Variants in NTM observed in about 807,000 individuals in gnomAD.
NTM encodes the protein IgLON family member 2.
A neutral mutation model predicts 42.1 loss-of-function variants in NTM; 13 were observed. The ratio of observed to expected loss-of-function variants is 0.31; its 90% CI spans 0.20 to 0.49. The LOEUF is 0.49. Ranked by LOEUF, NTM falls within the 20% of genes least tolerant of loss-of-function variation. The pLI is 0.99. For synonymous variants in NTM, 187 were observed against 179.2 expected (o/e 1.04, Z -0.35); for missense variants, 373 against 452.8 (o/e 0.82, Z 1.60).
intron 1 of NTM, among the ~76,000 whole-genome samples, chr11:131,510,106 T>A (rs2048037364): frequency 6.6e-6 from 1 of 152,158 alleles, no homozygotes; most frequent in African/African-American, 2.4e-5. Flanking sequence ...GGAGGCCGCA[T>A]AGCCATCATC....
intron 2 of NTM, among the ~76,000 whole-genome samples, chr11:131,958,167 A>C (rs1201504155): frequency 6.6e-6 from 1 of 152,196 alleles, no homozygotes; most frequent in Non-Finnish European, 1.5e-5. Flanking sequence ...AGCAAATTTT[A>C]TGAGGTGAGC....
chr11:131,549,610 C>A (rs2054385766), intron 1 of NTM, among the ~76,000 whole-genome samples: 1 of 152,174 alleles, frequency 6.6e-6, no homozygotes, highest in Non-Finnish European at 1.5e-5. Context: ...AGGAAGGGAA[C>A]TAGCCCGCCC....
At chr11:131,820,210 C>G (rs952613630) in intron 1 of NTM, among the ~76,000 whole-genome samples, 1 of 152,162 alleles carries the variant, frequency 6.6e-6, no homozygotes, top group Non-Finnish European at 1.5e-5. Flanking sequence ...GCCACTGGAT[C>G]CCCACTCTCC....
At chr11:132,326,301 A>G (rs1468138089) in intron 7 of NTM, among the ~76,000 whole-genome samples, 16 of 152,326 alleles carry the variant, frequency 1.1e-4, no homozygotes, top group Non-Finnish European at 1.0e-4. Context: ...TGAGATCTTC[A>G]TTCTCAGAGG....
At chr11:131,461,221 C>T (rs1461510160) in intron 1 of NTM, among the ~76,000 whole-genome samples, 1 of 152,158 alleles carries the variant, frequency 6.6e-6, no homozygotes, top group African/African-American at 2.4e-5. Context: ...GACAATAAGA[C>T]TTGGGTTGGC....
chr11:132,282,665 T>C (rs541678847), intron 4 of NTM, among the ~76,000 whole-genome samples: 23 of 152,328 alleles, frequency 1.5e-4, no homozygotes, highest in African/African-American at 5.5e-4. Flanking sequence ...TCAGTTGGAA[T>C]AAGTTTTTCC....
intron 2 of NTM, among the ~76,000 whole-genome samples, chr11:132,141,237 GTC>G (rs139441309): frequency 2.8e-5 from 4 of 144,690 alleles, no homozygotes; most frequent in African/African-American, 7.7e-5. Context: ...CTCTCTTTCT[GTC>G]TCTCTCTCTC....
chr11:131,816,260 C>A (rs1171395075), intron 1 of NTM, among the ~76,000 whole-genome samples: 1 of 152,154 alleles, frequency 6.6e-6, no homozygotes, highest in East Asian at 1.9e-4. Flanking sequence ...ATGCAACAAT[C>A]CTGACTCAGT....
chr11:131,758,270 G>T (rs12803998), intron 1 of NTM, among the ~76,000 whole-genome samples: 39,957 of 146,968 alleles, frequency 0.27, 5,633 homozygotes, highest in African/African-American at 0.39. Flanking sequence ...CCTCCCCCCC[G>T]CCAACCCCGC....
intron 4 of NTM, among the ~76,000 whole-genome samples, chr11:132,259,139 A>G (rs1378323881): frequency 6.6e-6 from 1 of 152,214 alleles, no homozygotes. Flanking sequence ...TCATGTATCT[A>G]GAATCTCTCT....
rs566960710 is a variant in NTM, at chr11:131,377,306, T to C, written c.82+6418T>C. Among the ~76,000 whole-genome samples, 8 of 152,296 alleles carry C rather than the reference T, an allele frequency of 5.3e-5. No individual in the cohort carries two copies. In the East Asian group the frequency reaches 1.5e-3, roughly 29 times the overall value. Reference sequence around the variant, plus strand: ...TGCTGTGAGTTCACTGTCTTTGTGGTCATTGTCTTGTGTGTTTGAGTTACT... The same window carrying C: ...TGCTGTGAGTTCACTGTCTTTGTGGCCATTGTCTTGTGTGTTTGAGTTACT... On this transcript the variant is annotated intron_variant, in intron 1 of 8. Transcript: ENST00000683400.
intron 8 of NTM, among the ~76,000 whole-genome samples, chr11:132,333,855 G>A (rs2095843920): frequency 6.6e-6 from 1 of 152,208 alleles, no homozygotes; most frequent in African/African-American, 2.4e-5. Context: ...CTAGCCAGGA[G>A]TTCTAGACTT....
At chr11:131,404,555 G>T (rs140021304) in intron 1 of NTM, among the ~76,000 whole-genome samples, 7 of 152,224 alleles carry the variant, frequency 4.6e-5, no homozygotes, top group Non-Finnish European at 8.8e-5. Context: ...ATATACTGGT[G>T]ACTGCCAATT....
Position 131,763,709 on chromosome 11 carries a change from C to CTTTTTTTTTTTTTTTTTTTTTTTTTTTT in NTM, c.83-147829_83-147828insTTTTTTTTTTTTTTTTTTTTTTTTTTTT, listed in dbSNP as rs557522093. Among the ~76,000 whole-genome samples, 17 of 71,374 alleles carry CTTTTTTTTTTTTTTTTTTTTTTTTTTTT rather than the reference C, an allele frequency of 2.4e-4. 4 individuals carry two copies. The highest frequency in any genetic ancestry group is 9.6e-4 in the East Asian group (2 of 2,084). 46.8% of individuals were successfully genotyped at this position (71,374 alleles called of 152,430 possible). A position where few individuals can be genotyped will look rare whatever the true frequency, so the allele number is the denominator to read the frequency against. ...CTTATCCACAGGCCCATCTCTCTCTCTTTTTTTTTTTTTTTTTTTTTTTTT... is the reference window on the plus strand; with the variant it reads ...CTTATCCACAGGCCCATCTCTCTCTCTTTTTTTTTTTTTTTTTTTTTTTTTTTTTTTTTTTTTTTTTTTTTTTTTTTTT... On this transcript the variant is annotated intron_variant, in intron 1 of 8. Transcript: ENST00000683400.
intron 2 of NTM, among the ~76,000 whole-genome samples, chr11:132,064,692 C>T (rs1411035371): frequency 6.6e-6 from 1 of 152,142 alleles, no homozygotes; most frequent in East Asian, 1.9e-4. Flanking sequence ...GAGTAGCAGG[C>T]AGAGAAGACT....
intron 1 of NTM, among the ~76,000 whole-genome samples, chr11:131,580,940 G>T (rs915858163): frequency 1.3e-5 from 2 of 152,240 alleles, no homozygotes; most frequent in East Asian, 1.9e-4. Context: ...GCCACCAAAA[G>T]GTCAAAAGTA....
chr11:132,112,623 G>A (rs890771071), intron 2 of NTM, among the ~76,000 whole-genome samples: 2 of 151,798 alleles, frequency 1.3e-5, no homozygotes, highest in Non-Finnish European at 2.9e-5. Context: ...AAGGCATCCC[G>A]CTCTCTAATC....
intron 1 of NTM, among the ~76,000 whole-genome samples, chr11:131,778,391 T>C (rs1852846757): frequency 6.6e-6 from 1 of 152,244 alleles, no homozygotes; most frequent in South Asian, 2.1e-4. Flanking sequence ...TAAAGTTGAA[T>C]GAGAAACTTA....
In NTM at chr11:131,761,152, G is replaced by A. The variant is rs140927962; in HGVS notation, c.83-150412G>A. On this transcript the variant is annotated intron_variant, in intron 1 of 8. Coordinates refer to ENST00000683400, the MANE Select transcript of NTM (RefSeq NM_001352005.2). ...ATCAGAGACGCCGTGAAAGTGGCAA[G>A]AGGCAGGGAGGAGAATCGACTTTGC... 5.3e-5 allele frequency among the ~76,000 whole-genome samples: 8 copies of A among 152,276 alleles called. No individual in the cohort carries two copies. In the East Asian group the frequency reaches 7.7e-4, roughly 15 times the overall value.
Sources: gnomAD v4.1 joint callset for allele counts (sites outside exome capture counted in the v4.1 genomes callset) on GRCh38, gnomAD v4.1.1 for gene constraint, MANE v1.5 for transcripts, NCBI Gene and HGNC (gene_info 2026-07-23, HGNC 2026-07-21) for gene names.